Variants in KCNH7 observed in about 807,000 individuals in gnomAD.
KCNH7 encodes the protein voltage-gated inwardly rectifying potassium channel KCNH7.
KCNH7 carries 49 observed loss-of-function variants against 120.8 expected under a neutral mutation model. The observed-to-expected ratio is 0.41, with a 90% CI of 0.32 to 0.51. The LOEUF is 0.51. Among genes scored for constraint, KCNH7 ranks in the 20% least tolerant of loss-of-function variants. The probability of loss-of-function intolerance (pLI) is 0.38; values close to 1 mark genes in which losing one functional copy is unlikely to be tolerated. For synonymous variants in KCNH7, 547 were observed against 516.1 expected (o/e 1.06, Z -0.81); for missense variants, 1,097 against 1,446.6 (o/e 0.76, Z 3.92).
intron 2 of KCNH7, among the ~76,000 whole-genome samples, chr2:162,785,531 CT>C (rs1317363947): frequency 7.0e-6 from 1 of 143,002 alleles, no homozygotes; most frequent in Non-Finnish European, 1.5e-5. Context: ...GACTATTGGG[CT>C]GTCTTGATTT....
intron 2 of KCNH7, among the ~76,000 whole-genome samples, chr2:162,790,336 G>T (rs1683884260): frequency 6.6e-6 from 1 of 151,834 alleles, no homozygotes; most frequent in Non-Finnish European, 1.5e-5. Flanking sequence ...TAAAGTTGAA[G>T]CAGTAATCAC....
chr2:162,452,619 G>T (rs1051315971), intron 6 of KCNH7, among the ~76,000 whole-genome samples: 7 of 151,960 alleles, frequency 4.6e-5, no homozygotes, highest in African/African-American at 1.7e-4. Flanking sequence ...AACTGCAGAG[G>T]TCCATTGCTC....
At chr2:162,635,911 G>A (rs1162573854) in intron 2 of KCNH7, among the ~76,000 whole-genome samples, 1 of 151,996 alleles carries the variant, frequency 6.6e-6, no homozygotes, top group Admixed American at 6.6e-5. Flanking sequence ...GCCAGAAAAA[G>A]CTATCAAATA....
At chr2:162,494,608 G>A (rs1690432677) in intron 6 of KCNH7, among the ~76,000 whole-genome samples, 1 of 152,062 alleles carries the variant, frequency 6.6e-6, no homozygotes, top group Non-Finnish European at 1.5e-5. Context: ...TTAACCTATT[G>A]TAAACTACAG....
At chr2:162,819,254 G>C (rs1438314265) in intron 2 of KCNH7, among the ~76,000 whole-genome samples, 1 of 152,134 alleles carries the variant, frequency 6.6e-6, no homozygotes, top group African/African-American at 2.4e-5. Flanking sequence ...TAATTAAGTT[G>C]TGGTTATATT....
intron 2 of KCNH7, among the ~76,000 whole-genome samples, chr2:162,706,419 A>G (rs1686703955): frequency 1.3e-5 from 2 of 152,034 alleles, no homozygotes; most frequent in Non-Finnish European, 2.9e-5. Flanking sequence ...CTTTATTACA[A>G]TCTCATAACA....
chr2:162,669,978 T>C (rs1434390065), intron 2 of KCNH7, among the ~76,000 whole-genome samples: 1 of 151,864 alleles, frequency 6.6e-6, no homozygotes, highest in Non-Finnish European at 1.5e-5. Flanking sequence ...AGCGTGCCTG[T>C]AATCCCAGCT....
chr2:162,391,588 A>C (rs963610327), intron 12 of KCNH7, among the ~76,000 whole-genome samples: 1 of 152,056 alleles, frequency 6.6e-6, no homozygotes, highest in African/African-American at 2.4e-5. Flanking sequence ...ATTTGATCTC[A>C]TATACCAAGC....
chr2:162,550,267 A>C (rs1692624799), intron 2 of KCNH7, among the ~76,000 whole-genome samples: 1 of 152,124 alleles, frequency 6.6e-6, no homozygotes. Context: ...ATGGTAATAT[A>C]TGTCTGCTGC....
rs575005108 is a variant in KCNH7, at chr2:162,611,132, G to A, written c.308-74052C>T. On this transcript the variant is annotated intron_variant, in intron 2 of 15. Transcript: ENST00000332142. ...ACCATTTTCAGACACACTTGGCATG[G>A]GTGCAAATGTGAGAGCCAGGGGGCC... Among the ~76,000 whole-genome samples the A allele has an allele frequency of 2.0e-5, 3 of 152,274 alleles. No individual in the cohort carries two copies. The East Asian group carries it at 5.8e-4, about 29-fold the overall frequency.
intron 7 of KCNH7, among the ~76,000 whole-genome samples, chr2:162,437,521 G>A (rs905941433): frequency 6.6e-6 from 1 of 152,134 alleles, no homozygotes; most frequent in Non-Finnish European, 1.5e-5. Context: ...TAGCTTAGCA[G>A]TTATGTGCTA....
intron 2 of KCNH7, among the ~76,000 whole-genome samples, chr2:162,555,283 C>G (rs1692816442): frequency 6.6e-6 from 1 of 152,206 alleles, no homozygotes; most frequent in South Asian, 2.1e-4. Flanking sequence ...AGACAAACCT[C>G]TCTACCACTA....
intron 7 of KCNH7, among the ~76,000 whole-genome samples, chr2:162,439,221 T>C (rs1199727798): frequency 6.6e-6 from 1 of 152,018 alleles, no homozygotes; most frequent in Non-Finnish European, 1.5e-5. Flanking sequence ...AGTAAAAAAC[T>C]GTCTCTTAGA....
chr2:162,504,495 A>G lies in KCNH7; in HGVS notation c.1076T>C (p.Ile359Thr). 4 of 1,613,080 alleles carry G rather than the reference A, an allele frequency of 2.5e-6. No individual in the cohort carries two copies. Among genetic ancestry groups the G allele is most frequent in the Non-Finnish European group, 2.5e-6 (3 of 1,179,366 alleles). Reference protein sequence around the residue: ...SSPPSSDKTIIAPKVKDRTHN... With the variant: ...SSPPSSDKTITAPKVKDRTHN... ...TGTTCGATCTTTAACCTTGGGTGCA[A>G]TAATGGTTTTATCTGAAGAAGGAGG... Residue 359 changes from isoleucine to threonine, a missense_variant, in exon 6 of 16, where the codon ATT (isoleucine) becomes ACT (threonine). Physicochemically the swap from Ile to Thr is moderately conservative, Grantham distance 89. Coordinates refer to ENST00000332142, the MANE Select transcript of KCNH7 (RefSeq NM_033272.4).
chr2:162,594,206 A>G (rs1694300794), intron 2 of KCNH7, among the ~76,000 whole-genome samples: 1 of 145,352 alleles, frequency 6.9e-6, no homozygotes, highest in African/African-American at 2.6e-5. Context: ...AGTTTACCTC[A>G]CAGACATGCT....
At chr2:162,791,261 TTTG>T (rs971057947) in intron 2 of KCNH7, among the ~76,000 whole-genome samples, 3 of 152,100 alleles carry the variant, frequency 2.0e-5, no homozygotes, top group Admixed American at 6.6e-5. Context: ...ATTTGGGCTT[TTTG>T]TTGTTGTTGT....
intron 6 of KCNH7, among the ~76,000 whole-genome samples, chr2:162,458,262 A>G (rs1273447266): frequency 6.6e-6 from 1 of 152,172 alleles, no homozygotes; most frequent in East Asian, 1.9e-4. Flanking sequence ...TAAAATATGT[A>G]TGAGTCTCAG....
In KCNH7 at chr2:162,512,461, C is replaced by A. The variant is rs183095740; in HGVS notation, c.913+193G>T. Among the ~76,000 whole-genome samples the A allele has an allele frequency of 1.3e-4, 20 of 151,880 alleles. No homozygotes were observed. In the East Asian group the frequency reaches 3.9e-3, roughly 30 times the overall value. On this transcript the variant is annotated intron_variant, in intron 5 of 15. Transcript: ENST00000332142. ...CTTGCAGGCAAAAGGAGCTCATGAT[C>A]ATTTTGGTAACACAGCAGAGAAATA...
At chr2:162,435,739 GGT>G in intron 7 of KCNH7, 142 bp from the exon 8 acceptor site, 1 of 796,620 alleles carries the variant, frequency 1.3e-6, no homozygotes, top group Non-Finnish European at 1.9e-6. Flanking sequence ...TATTAAACTT[GGT>G]TCTTTTTTTT....
Sources: gnomAD v4.1 joint callset for allele counts (sites outside exome capture counted in the v4.1 genomes callset) on GRCh38, gnomAD v4.1.1 for gene constraint, MANE v1.5 for transcripts, NCBI Gene and HGNC (gene_info 2026-07-23, HGNC 2026-07-21) for gene names.